Variants in GFPT1 observed in about 807,000 individuals in gnomAD.
GFPT1 encodes glutamine--fructose-6-phosphate aminotransferase [isomerizing] 1.
In GFPT1, 40 loss-of-function variants were observed where a neutral mutation model predicts 92.0. That is an observed-to-expected ratio of 0.43 (90% CI 0.34 to 0.57). The LOEUF (loss-of-function observed/expected upper bound fraction) is 0.57. GFPT1 is among the 20% of genes least tolerant of loss of function. GFPT1 has a pLI of 0.02. For missense variants in GFPT1, 448 were observed against 869.1 expected, an observed-to-expected ratio of 0.52 and a Z score of 6.09; for synonymous variants, 269 against 280.6, an observed-to-expected ratio of 0.96 and a Z score of 0.41.
chr2:69,348,206 T>G lies in GFPT1; in HGVS notation c.974A>C (p.Gln325Pro). 1 of 1,614,068 alleles carries G rather than the reference T, an allele frequency of 6.2e-7. No homozygotes were observed. Among genetic ancestry groups the G allele is most frequent in the Non-Finnish European group, 8.5e-7 (1 of 1,179,920 alleles). The change falls in exon 11 of 20, where the codon CAA becomes CCA. Residue 325 changes from glutamine to proline, a missense_variant. Transcript: ENST00000357308. Reference protein sequence around the residue: ...TAGDHPGRAVQTLQMELQQIM... With the variant: ...TAGDHPGRAVPTLQMELQQIM... ...CTGCTGGAGTTCCATCTGGAGTGTT[T>G]GCACAGCTCGTCCGGGGTGATCTCC...
chr2:69,348,439 A>G (rs1671134105), intron 10 of GFPT1, 105 bp from the exon 11 acceptor site: 1 of 903,112 alleles, frequency 1.1e-6, no homozygotes, highest in East Asian at 2.4e-5. Flanking sequence ...AAACTCTATC[A>G]CTCTGCAGTA....
At chr2:69,355,414 T>C (rs1285038964) in intron 7 of GFPT1, among the ~76,000 whole-genome samples, 1 of 152,132 alleles carries the variant, frequency 6.6e-6, no homozygotes, top group Non-Finnish European at 1.5e-5. Context: ...ATTATTTTTC[T>C]TAATTGACAA....
At chr2:69,385,686 T>C (rs1363891796) in intron 1 of GFPT1, among the ~76,000 whole-genome samples, 1 of 152,062 alleles carries the variant, frequency 6.6e-6, no homozygotes, top group Non-Finnish European at 1.5e-5. Flanking sequence ...ACACTGGAGA[T>C]TGACCAGTTT....
chr2:69,373,229 T>G (rs562947353), intron 2 of GFPT1, among the ~76,000 whole-genome samples: 1 of 152,294 alleles, frequency 6.6e-6, no homozygotes, highest in South Asian at 2.1e-4. Context: ...AATCGTCAAA[T>G]CTGAGGATGG....
chr2:69,339,424 C>T (rs1214025111), intron 13 of GFPT1, among the ~76,000 whole-genome samples: 1 of 152,148 alleles, frequency 6.6e-6, no homozygotes, highest in Non-Finnish European at 1.5e-5. Flanking sequence ...AGCAGTATGC[C>T]TCTGTGCAAA....
At chr2:69,364,911 C>T (rs1192396878) in intron 3 of GFPT1, among the ~76,000 whole-genome samples, 1 of 132,108 alleles carries the variant, frequency 7.6e-6, no homozygotes, top group Non-Finnish European at 1.5e-5. Context: ...AGGAGAATCG[C>T]TTGAACCCAG....
rs185208231 is a variant in GFPT1 at position 69,364,203 on chromosome 2, C to A, written c.224-533G>T. Among the ~76,000 whole-genome samples, 41 of 151,030 alleles carry A rather than the reference C, an allele frequency of 2.7e-4. 1 individual carries two copies. The highest frequency in any genetic ancestry group is 2.6e-3 in the Admixed American group (39 of 15,150). The stretch of plus-strand genomic sequence containing the variant: ...AGTAAGTTTACACACCTACTATATA[C>A]CCACAAAAATTAAAAATAAAGATAA... On this transcript the variant is annotated intron_variant, in intron 3 of 19. Transcript: ENST00000357308.
rs554824301 is a variant in GFPT1 at position 69,326,137 on chromosome 2, G to T, written c.*52C>A. 4.5e-4 allele frequency: 520 copies of T among 1,146,786 alleles called. 9 individuals are homozygous for T. The South Asian group carries it at 6.0e-3, about 13-fold the overall frequency. The allele number at this position is 1,146,786 out of a possible 1,614,324, so 71.0% of individuals were successfully genotyped here. ...TAAATCAAGGTTTTAAATACAAAAG[G>T]TGTCTTGTGTTGCTTAATCATACAG... On this transcript the variant is annotated 3_prime_UTR_variant, in exon 20 of 20. Transcript: ENST00000357308.
At chr2:69,383,131 A>G (rs918047630) in intron 1 of GFPT1, among the ~76,000 whole-genome samples, 4 of 152,200 alleles carry the variant, frequency 2.6e-5, no homozygotes, top group African/African-American at 9.7e-5. Context: ...ACAGAACACT[A>G]TTTCACCGGA....
Position 69,359,309 on chromosome 2 carries a change from T to A in GFPT1, c.367A>T (p.Asn123Tyr). 1 of 1,578,894 alleles carries A rather than the reference T, an allele frequency of 6.3e-7. No homozygotes were observed. Among genetic ancestry groups the A allele is most frequent in the East Asian group, 2.2e-5 (1 of 44,706 alleles). Residue 123 changes from asparagine to tyrosine, a missense_variant, in exon 5 of 20, where the codon AAT (asparagine) becomes TAT (tyrosine). Transcript: ENST00000357308. ...TCTTTGTAGTTGGTGATGATTCCAT[T>A]GTGAATAACGATAAATTCTAAAAGA... ...DKNNEFIVIH[N>Y]GIITNYKDLK...
chr2:69,364,203 C>T (rs185208231), intron 3 of GFPT1, among the ~76,000 whole-genome samples: 1 of 150,958 alleles, frequency 6.6e-6, no homozygotes, highest in Non-Finnish European at 1.5e-5. Flanking sequence ...CTACTATATA[C>T]CCACAAAAAT....
intron 18 of GFPT1, 82 bp from the exon 19 acceptor site, chr2:69,327,157 A>C: frequency 1.7e-6 from 2 of 1,196,272 alleles, no homozygotes; most frequent in Admixed American, 3.4e-5. Context: ...CAAAAATTGC[A>C]CTGCATAATC....
At chr2:69,360,048 C>G (rs999236519) in intron 4 of GFPT1, among the ~76,000 whole-genome samples, 77 of 152,138 alleles carry the variant, frequency 5.1e-4, no homozygotes, top group Non-Finnish European at 6.3e-4. Context: ...ACCAATCCGG[C>G]TGAGCACGGT....
intron 2 of GFPT1, 96 bp from the exon 3 acceptor site, chr2:69,370,204 C>A: frequency 2.6e-6 from 2 of 769,580 alleles, no homozygotes; most frequent in East Asian, 2.5e-5. Context: ...AATACATTCT[C>A]ATCTAATTAA....
chr2:69,354,354 C>T, intron 8 of GFPT1, 42 bp from the exon 9 acceptor site: 1 of 1,496,188 alleles, frequency 6.7e-7, no homozygotes, highest in Non-Finnish European at 9.2e-7. Context: ...CATCAGAGAA[C>T]TCACAAAAAC....
At chr2:69,386,057 C>T (rs943556150) in intron 1 of GFPT1, among the ~76,000 whole-genome samples, 2 of 149,980 alleles carry the variant, frequency 1.3e-5, no homozygotes, top group Non-Finnish European at 3.0e-5. Context: ...GTACTTTCTT[C>T]CAGGGATAAA....
intron 1 of GFPT1, among the ~76,000 whole-genome samples, chr2:69,378,652 A>C (rs913555410): frequency 2.6e-5 from 4 of 152,264 alleles, no homozygotes; most frequent in African/African-American, 9.6e-5. Context: ...AAAGCAATGT[A>C]GCTGCAAATA....
intron 15 of GFPT1, among the ~76,000 whole-genome samples, chr2:69,331,275 A>T (rs1348369897): frequency 6.6e-6 from 1 of 152,046 alleles, no homozygotes; most frequent in Non-Finnish European, 1.5e-5. Flanking sequence ...TTGACCATTT[A>T]TATTTTCTCT....
At chr2:69,357,535 G>A (rs539182558) in intron 6 of GFPT1, among the ~76,000 whole-genome samples, 1 of 152,164 alleles carries the variant, frequency 6.6e-6, no homozygotes, top group South Asian at 2.1e-4. Context: ...ACTCTGCCTT[G>A]GGGAAAGGGA....
Sources: gnomAD v4.1 joint callset for allele counts (sites outside exome capture counted in the v4.1 genomes callset) on GRCh38, gnomAD v4.1.1 for gene constraint, MANE v1.5 for transcripts, NCBI Gene and HGNC (gene_info 2026-07-23, HGNC 2026-07-21) for gene names.